EPB41L2: variants seen among roughly 807,000 people sequenced by gnomAD.
EPB41L2 encodes erythrocyte membrane protein band 4.1 like 2.
EPB41L2 carries 43 observed loss-of-function variants against 113.0 expected under a neutral mutation model. The ratio of observed to expected loss-of-function variants is 0.38; its 90% CI spans 0.30 to 0.49. The LOEUF is 0.49. Among genes scored for constraint, EPB41L2 ranks in the 20% least tolerant of loss-of-function variants. The pLI, the probability that EPB41L2 is intolerant of heterozygous loss-of-function variation, is 0.95. For missense variants in EPB41L2, 1,147 were observed against 1,223.4 expected, an observed-to-expected ratio of 0.94 and a Z score of 0.93; for synonymous variants, 442 against 436.7, an observed-to-expected ratio of 1.01 and a Z score of -0.15.
At chr6:130,858,090 G>A (rs768571219) in intron 19 of EPB41L2, 41 bp downstream of exon 19, 1 of 1,416,908 alleles carries the variant, frequency 7.1e-7, no homozygotes, top group South Asian at 1.2e-5. Context: ...GGAGTACAGA[G>A]CAGTCACTAG....
At chr6:130,854,045 T>C (rs1288903671) in intron 19 of EPB41L2, among the ~76,000 whole-genome samples, 1 of 152,232 alleles carries the variant, frequency 6.6e-6, no homozygotes, top group Non-Finnish European at 1.5e-5. Flanking sequence ...TCATTCCTAG[T>C]CATCCTTCAG....
intron 19 of EPB41L2, among the ~76,000 whole-genome samples, chr6:130,852,859 T>C (rs935578139): frequency 6.6e-6 from 1 of 152,184 alleles, no homozygotes; most frequent in African/African-American, 2.4e-5. Context: ...TCTTGGAGCA[T>C]CAGGTTCAAT....
At chr6:130,996,674 C>CA (rs1783202589) in intron 1 of EPB41L2, among the ~76,000 whole-genome samples, 1 of 152,170 alleles carries the variant, frequency 6.6e-6, no homozygotes, top group Non-Finnish European at 1.5e-5. Context: ...GGCAATGCAT[C>CA]ACCCTATTTT....
Position 130,839,963 on chromosome 6 carries a change from T to C in EPB41L2, c.*641A>G, listed in dbSNP as rs796568317. The C allele has an allele frequency of 6.6e-6, 1 of 152,178 alleles. No individual in the cohort carries two copies. Among genetic ancestry groups the C allele is most frequent in the South Asian group, 2.1e-4 (1 of 4,832 alleles). 9.4% of individuals were successfully genotyped at this position (152,178 alleles called of 1,614,324 possible). ...AGAGATTCTGACTCTCTACTAAAAG[T>C]AGAAAGTCACAGGACTGGAAAGTCA... On this transcript the variant is annotated 3_prime_UTR_variant, in exon 20 of 20. Coordinates refer to ENST00000337057, the MANE Select transcript of EPB41L2 (RefSeq NM_001431.4).
intron 1 of EPB41L2, 128 bp from the exon 2 acceptor site, chr6:130,956,627 A>G (rs546106738): frequency 2.3e-6 from 2 of 869,042 alleles, no homozygotes; most frequent in South Asian, 3.8e-5. Context: ...GCACATCAAG[A>G]AAGAAGATTC....
At chr6:130,848,036 T>C (rs183285138) in intron 19 of EPB41L2, among the ~76,000 whole-genome samples, 12 of 152,116 alleles carry the variant, frequency 7.9e-5, no homozygotes, top group Admixed American at 7.2e-4. Context: ...AAAAGGAAGG[T>C]TAGTGGGAAT....
chr6:131,040,268 T>A (rs569087383), intron 1 of EPB41L2, among the ~76,000 whole-genome samples: 1 of 152,196 alleles, frequency 6.6e-6, no homozygotes, highest in South Asian at 2.1e-4. Context: ...CGAAACCCCA[T>A]CTCTACTAAA....
At chr6:131,022,950 G>A (rs946595865) in intron 1 of EPB41L2, among the ~76,000 whole-genome samples, 13 of 152,250 alleles carry the variant, frequency 8.5e-5, no homozygotes, top group Non-Finnish European at 7.4e-5. Flanking sequence ...CACAAGGGCA[G>A]GAATTTTTGT....
intron 12 of EPB41L2, chr6:130,882,823 G>C (rs887619332): frequency 1.3e-5 from 2 of 152,786 alleles, no homozygotes; most frequent in African/African-American, 4.8e-5. Flanking sequence ...GGAAGCCGGA[G>C]GGAAAACATT....
chr6:131,054,088 G>A (rs978653622), intron 1 of EPB41L2, among the ~76,000 whole-genome samples: 4 of 152,132 alleles, frequency 2.6e-5, no homozygotes, highest in Admixed American at 6.5e-5. Flanking sequence ...TTCCATCTTC[G>A]CATTCAGATT....
intron 1 of EPB41L2, among the ~76,000 whole-genome samples, chr6:131,058,246 C>T (rs1330180681): frequency 6.6e-6 from 1 of 152,168 alleles, no homozygotes; most frequent in Admixed American, 6.5e-5. Context: ...TCATAGATCA[C>T]ATGAAATCTA....
At chr6:130,884,978 C>T in intron 12 of EPB41L2, 118 bp downstream of exon 12, 1 of 1,145,936 alleles carries the variant, frequency 8.7e-7, no homozygotes, top group Admixed American at 2.2e-5. Flanking sequence ...CATAAATGAC[C>T]AGCAGAGAAC....
intron 4 of EPB41L2, among the ~76,000 whole-genome samples, chr6:130,925,549 T>A (rs73617166): frequency 2.0e-5 from 3 of 152,176 alleles, no homozygotes; most frequent in African/African-American, 7.2e-5. Context: ...CTACATATTG[T>A]ACAACATACT....
intron 5 of EPB41L2, among the ~76,000 whole-genome samples, chr6:130,904,984 T>C (rs896318239): frequency 6.6e-6 from 1 of 151,570 alleles, no homozygotes; most frequent in Admixed American, 6.6e-5. Context: ...GATCAAGAGA[T>C]AATAGCTATT....
intron 1 of EPB41L2, among the ~76,000 whole-genome samples, chr6:131,002,134 A>C (rs1032656304): frequency 1.6e-4 from 25 of 152,320 alleles, no homozygotes; most frequent in Middle Eastern, 3.4e-3. Context: ...CTACCTGTTG[A>C]TTCAAAGTGT....
intron 1 of EPB41L2, among the ~76,000 whole-genome samples, chr6:130,979,959 T>C (rs7756269): frequency 0.78 from 119,236 of 152,078 alleles, 47,250 homozygotes; most frequent in East Asian, 1. Context: ...ATCAAAAATC[T>C]CCAGGCAGAG....
At chr6:131,002,492 G>GT (rs1245789256) in intron 1 of EPB41L2, among the ~76,000 whole-genome samples, 2 of 152,126 alleles carry the variant, frequency 1.3e-5, no homozygotes, top group Admixed American at 6.5e-5. Flanking sequence ...AATAAATGCC[G>GT]TAAGTCTGTG....
intron 3 of EPB41L2, among the ~76,000 whole-genome samples, chr6:130,954,040 C>CTTTCTTTTCTTTTTTTTTTTTTTTTTTT (rs1816373036): frequency 1.7e-5 from 1 of 58,850 alleles, no homozygotes; most frequent in Non-Finnish European, 3.3e-5. Flanking sequence ...CCTTTTCTTT[C>CTTTCTTTTCTTTTTTTTTTTTTTTTTTT]TTTTTTTTTT....
At chr6:130,931,221 A>G (rs1397784070) in intron 3 of EPB41L2, among the ~76,000 whole-genome samples, 1 of 152,180 alleles carries the variant, frequency 6.6e-6, no homozygotes, top group Non-Finnish European at 1.5e-5. Flanking sequence ...AGCAAAATTA[A>G]TAAAATTTAT....
Sources: allele counts gnomAD v4.1 joint callset (sites outside exome capture counted in the v4.1 genomes callset), GRCh38; gene constraint gnomAD v4.1.1; transcripts MANE v1.5; gene names NCBI Gene and HGNC (gene_info 2026-07-23, HGNC 2026-07-21).